The following ABCA3 variants were observed in gnomAD, a reference collection of about 807,000 sequenced individuals.
ABCA3 encodes the protein ATP binding cassette subfamily A member 3, also known as phospholipid-transporting ATPase ABCA3.
ABCA3 carries 88 observed loss-of-function variants against 172.8 expected under a neutral mutation model. The observed-to-expected ratio is 0.51, with a 90% CI of 0.43 to 0.61. ABCA3 has a LOEUF of 0.61. Ranked by LOEUF, ABCA3 falls within the 20% of genes least tolerant of loss-of-function variation. ABCA3 has a pLI of 0.00. For synonymous variants in ABCA3, 1,066 were observed against 983.8 expected (o/e 1.08, Z -1.56); for missense variants, 2,164 against 2,301.0 (o/e 0.94, Z 1.22).
chr16:2,310,415 CAAACAAACAAAA>C (rs1241178254), intron 10 of ABCA3, among the ~76,000 whole-genome samples: 3 of 146,328 alleles, frequency 2.1e-5, no homozygotes, highest in African/African-American at 7.6e-5. Context: ...TCAAAACAAA[CAAACAAACAAAA>C]AAACAAACAA....
chr16:2,294,279 GC>G (rs1197297627), intron 18 of ABCA3, among the ~76,000 whole-genome samples: 1 of 151,836 alleles, frequency 6.6e-6, no homozygotes, highest in Admixed American at 6.6e-5. Context: ...GCCCGCCTTG[GC>G]CTCCCAAAGT....
At chr16:2,338,751 C>CTTTTTT (rs34719364) in intron 1 of ABCA3, among the ~76,000 whole-genome samples, 7 of 121,592 alleles carry the variant, frequency 5.8e-5, no homozygotes, top group African/African-American at 2.1e-4. Flanking sequence ...TCCAATTCAT[C>CTTTTTT]TTTTTTTTTT....
intron 12 of ABCA3, among the ~76,000 whole-genome samples, 197 bp downstream of exon 12, chr16:2,303,772 G>A (rs2093693235): frequency 6.6e-6 from 1 of 152,126 alleles, no homozygotes; most frequent in Non-Finnish European, 1.5e-5. Context: ...TCTTGGGCAT[G>A]GAGGGTCTTT....
Position 2,286,446 on chromosome 16 carries a change from G to C in ABCA3, c.3278+248C>G, listed in dbSNP as rs1405543895. 6.6e-6 allele frequency among the ~76,000 whole-genome samples: 1 copy of C among 152,226 alleles called. No individual in the cohort carries two copies. The highest frequency in any genetic ancestry group is 1.5e-5 in the Non-Finnish European group (1 of 68,030). On this transcript the variant is annotated intron_variant, in intron 22 of 32. Transcript: ENST00000301732. The surrounding 1 kb of genome is among the most constrained non-coding windows in gnomAD (Gnocchi z 5.2). ...CAGGTAGATTTAGGAGGAGAAGGCAGGGCTGCCTGCCGAGCCTTCATGGGT... is the reference window on the plus strand; with the variant it reads ...CAGGTAGATTTAGGAGGAGAAGGCACGGCTGCCTGCCGAGCCTTCATGGGT...
In ABCA3 at chr16:2,276,763, C is replaced by G; in HGVS notation, c.5026G>C (p.Asp1676His). The change falls in exon 33 of 33, where the codon GAC becomes CAC. Residue 1676 changes from aspartate to histidine, a missense_variant. Physicochemically the swap from Asp to His is moderately conservative, Grantham distance 81. This residue lies in a region of ABCA3 where 795 missense variants were observed against 881.9 expected (regional missense o/e 0.90). Transcript: ENST00000301732. Reference protein sequence around the residue: ...LEKAKEKYGVDDYSVSQISLE... With the variant: ...LEKAKEKYGVHDYSVSQISLE... ...GAGATCTGGCTCACGGAGTAGTCGT[C>G]CACGCCGTACTTTTCCTTGGCTTTC... 6.2e-7 allele frequency: 1 copy of G among 1,614,008 alleles called. No homozygotes were observed. Among genetic ancestry groups the G allele is most frequent in the Non-Finnish European group, 8.5e-7 (1 of 1,180,040 alleles).
Position 2,308,495 on chromosome 16 carries a change from C to T in ABCA3, c.1240G>A (p.Ala414Thr), listed in dbSNP as rs1254014649. The T allele has an allele frequency of 4.3e-6, 7 of 1,614,052 alleles. No individual in the cohort carries two copies. The highest frequency in any genetic ancestry group is 2.2e-5 in the East Asian group (1 of 44,902). The change falls in exon 11 of 33, where the codon GCC becomes ACC. Residue 414 changes from alanine (A) to threonine (T), a missense_variant. Ala to Thr is a moderately conservative substitution (Grantham distance 58, BLOSUM62 0). Transcript: ENST00000301732. ...KLCSCLLSNV[A>T]MAMGAQLIGK... ...ATGAGCTGGGCTCCCATTGCCATGG[C>T]GACATTAGACAGGAGGCAGGAGCAG...
At chr16:2,324,079 C>T (rs2093730337) in intron 6 of ABCA3, among the ~76,000 whole-genome samples, 1 of 152,220 alleles carries the variant, frequency 6.6e-6, no homozygotes, top group Admixed American at 6.5e-5. Flanking sequence ...TAAATACCTA[C>T]TACTTTCCTT....
At chr16:2,305,305 T>C (rs1383295687) in intron 11 of ABCA3, among the ~76,000 whole-genome samples, 1 of 152,082 alleles carries the variant, frequency 6.6e-6, no homozygotes, top group East Asian at 1.9e-4. Flanking sequence ...GGCTAATTTT[T>C]GTATTTTTTT....
intron 12 of ABCA3, among the ~76,000 whole-genome samples, chr16:2,301,607 G>A (rs977163431): frequency 6.6e-6 from 1 of 152,158 alleles, no homozygotes; most frequent in Non-Finnish European, 1.5e-5. Context: ...CTACTCAGGA[G>A]GCTGAGGCAG....
At chr16:2,292,085 G>T in intron 19 of ABCA3, 55 bp downstream of exon 19, 1 of 1,377,376 alleles carries the variant, frequency 7.3e-7, no homozygotes, top group Non-Finnish European at 1.0e-6. Flanking sequence ...AAAAAAAAAA[G>T]TCCTCTGCAG....
At chr16:2,331,517 C>G (rs1373230925) in intron 1 of ABCA3, among the ~76,000 whole-genome samples, 2 of 152,204 alleles carry the variant, frequency 1.3e-5, no homozygotes, top group Non-Finnish European at 2.9e-5. Context: ...ATCTCTGTGC[C>G]CCCACGGCAC....
Position 2,298,446 on chromosome 16 carries a change from C to A in ABCA3, c.1836G>T (p.Pro612=), listed in dbSNP as rs768542119. Residue 612 remains proline (P), a synonymous_variant, in exon 15 of 33, where the codon CCG becomes CCT. Coordinates refer to ENST00000301732, the MANE Select transcript of ABCA3 (RefSeq NM_001089.3). ...AGTTGTCAAACAGGATGTCGTGCTG[C>A]GGGCACAGGCCCAGGCTCTTCCGGA... ...VQIRKSLGLC[P]QHDILFDNLT... is the part of the protein sequence containing the mutation. 1 of 1,614,126 alleles carries A rather than the reference C, an allele frequency of 6.2e-7. No homozygotes were observed. Among genetic ancestry groups the A allele is most frequent in the East Asian group, 2.2e-5 (1 of 44,876 alleles).
chr16:2,309,820 A>C (rs2093703627), intron 10 of ABCA3, among the ~76,000 whole-genome samples: 1 of 152,002 alleles, frequency 6.6e-6, no homozygotes, highest in South Asian at 2.1e-4. Flanking sequence ...GGGTTTCCCT[A>C]TTTTGTCAGG....
chr16:2,303,729 CCT>C (rs1400984846), intron 12 of ABCA3, among the ~76,000 whole-genome samples: 3 of 152,282 alleles, frequency 2.0e-5, no homozygotes, highest in South Asian at 2.1e-4. Flanking sequence ...TCTCTGCACC[CCT>C]CTGTCTCAGG....
chr16:2,307,378 C>A (rs949014935), intron 11 of ABCA3, among the ~76,000 whole-genome samples: 2 of 151,938 alleles, frequency 1.3e-5, no homozygotes, highest in South Asian at 4.2e-4. Flanking sequence ...CATGGCAAAA[C>A]CCCCTCTCTA....
chr16:2,297,417 C>A lies in ABCA3; in HGVS notation c.2175G>T (p.Glu725Asp), dbSNP rs1450725284. Reference sequence around the variant, plus strand: ...CGATGCGGTCTCCCAGCAGGTCAGCCTCGTCCATGAAGTGGGTGGTCAGCA... The same window carrying A: ...CGATGCGGTCTCCCAGCAGGTCAGCATCGTCCATGAAGTGGGTGGTCAGCA... ...TIVLTTHFMDEADLLGDRIAI... is the reference protein window; with the variant it reads ...TIVLTTHFMDDADLLGDRIAI... Residue 725 changes from glutamate to aspartate, a missense_variant, in exon 17 of 33, where the codon GAG (glutamate) becomes GAT (aspartate). Glu to Asp is a conservative substitution (Grantham distance 45, BLOSUM62 2). Coordinates refer to ENST00000301732, the MANE Select transcript of ABCA3 (RefSeq NM_001089.3). The surrounding 1 kb of genome is among the most constrained non-coding windows in gnomAD (Gnocchi z 5.6). The A allele has an allele frequency of 2.5e-6, 4 of 1,613,786 alleles. No individual in the cohort carries two copies. Among genetic ancestry groups the A allele is most frequent in the Non-Finnish European group, 2.5e-6 (3 of 1,180,024 alleles).
At chr16:2,334,547 C>T (rs550755896) in intron 1 of ABCA3, among the ~76,000 whole-genome samples, 109 of 149,552 alleles carry the variant, frequency 7.3e-4, no homozygotes, top group African/African-American at 2.7e-3. Context: ...CGGCATCTCG[C>T]TCTATCACTC....
chr16:2,295,676 C>T lies in ABCA3; in HGVS notation c.2328G>A (p.Leu776=). 6.2e-7 allele frequency: 1 copy of T among 1,614,058 alleles called. No individual in the cohort carries two copies. Among genetic ancestry groups the T allele is most frequent in the Non-Finnish European group, 8.5e-7 (1 of 1,180,040 alleles). Residue 776 remains leucine, a synonymous_variant, in exon 18 of 33, where the codon CTG becomes CTA. Coordinates refer to ENST00000301732, the MANE Select transcript of ABCA3 (RefSeq NM_001089.3). ...TGGCGTTGGGCACGTGGTGGTGGAC[C>T]AGCTGGGAGATGTCTTCCGGGTTGC... ...PHCNPEDISQ[L]VHHHVPNATL...
chr16:2,310,775 C>T (rs2093705494), intron 10 of ABCA3, among the ~76,000 whole-genome samples: 1 of 152,080 alleles, frequency 6.6e-6, no homozygotes, highest in African/African-American at 2.4e-5. Context: ...CCCACCTTGG[C>T]CTCCCAAAGT....
Sources: allele counts gnomAD v4.1 joint callset (sites outside exome capture counted in the v4.1 genomes callset), GRCh38; gene constraint gnomAD v4.1.1; regional missense constraint gnomAD v4.1.1; non-coding constraint Gnocchi (gnomAD v3.1); transcripts MANE v1.5; gene names NCBI Gene and HGNC (gene_info 2026-07-23, HGNC 2026-07-21).